The following CHLSN variants were observed in gnomAD, a reference collection of about 807,000 sequenced individuals.
CHLSN encodes the protein cholesin.
chr7:1,028,443 G>T, the CHLSN span: 1 of 985,888 alleles, frequency 1.0e-6, no homozygotes, highest in Non-Finnish European at 1.2e-6. Context: ...CGCCTGCGGG[G>T]ACTGGACCTC....
At chr7:1,007,221 G>A in the CHLSN span, among the ~76,000 whole-genome samples, 6 of 152,240 alleles carry the variant, frequency 3.9e-5, no homozygotes. Context: ...GGCTGCAGAT[G>A]GCTTTGCCTC....
At chr7:1,106,169 G>A in the CHLSN span, among the ~76,000 whole-genome samples, 2 of 152,192 alleles carry the variant, frequency 1.3e-5, no homozygotes, top group Non-Finnish European at 2.9e-5. Flanking sequence ...CTCGAGTCCC[G>A]CACACTGCCC....
the CHLSN span, among the ~76,000 whole-genome samples, chr7:1,122,693 C>A: frequency 6.6e-6 from 1 of 152,202 alleles, no homozygotes; most frequent in African/African-American, 2.4e-5. Flanking sequence ...ACAACCCGCT[C>A]AAGTGGGAAA....
At chr7:1,133,409 A>AAAAAACAAAAC in the CHLSN span, among the ~76,000 whole-genome samples, 1 of 149,432 alleles carries the variant, frequency 6.7e-6, no homozygotes, top group Non-Finnish European at 1.5e-5. Flanking sequence ...AAAAAAAAAA[A>AAAAAACAAAAC]AAAACTATAA....
the CHLSN span, among the ~76,000 whole-genome samples, chr7:1,111,848 G>C: frequency 2.6e-5 from 4 of 151,842 alleles, no homozygotes; most frequent in African/African-American, 9.7e-5. Context: ...GGGTGACACT[G>C]AGTGAGGACT....
At chr7:1,134,523 C>T in the CHLSN span, among the ~76,000 whole-genome samples, 2 of 151,340 alleles carry the variant, frequency 1.3e-5, no homozygotes, top group Admixed American at 6.6e-5. Context: ...GAGCCGAGAT[C>T]GCGCCACTGC....
At chr7:1,060,759 G>A in the CHLSN span, among the ~76,000 whole-genome samples, 1 of 152,208 alleles carries the variant, frequency 6.6e-6, no homozygotes, top group South Asian at 2.1e-4. Flanking sequence ...AACCTTTAAA[G>A]CCGCAGGCCT....
the CHLSN span, among the ~76,000 whole-genome samples, chr7:1,040,371 T>C: frequency 2.0e-5 from 3 of 152,028 alleles, no homozygotes; most frequent in African/African-American, 7.2e-5. Flanking sequence ...GGCACGCACC[T>C]GTACTCCCAG....
chr7:1,011,755 G>A, the CHLSN span, among the ~76,000 whole-genome samples: 35 of 151,060 alleles, frequency 2.3e-4, no homozygotes, highest in African/African-American at 7.1e-4. Context: ...ATACACACAC[G>A]CCAACACACC....
the CHLSN span, among the ~76,000 whole-genome samples, chr7:1,108,003 G>A: frequency 8.3e-6 from 1 of 120,650 alleles, no homozygotes; most frequent in Non-Finnish European, 1.7e-5. Context: ...GGAGGAAGCA[G>A]AGGGGGGCTG....
chr7:1,040,610 G>A, the CHLSN span, among the ~76,000 whole-genome samples: 2 of 151,480 alleles, frequency 1.3e-5, no homozygotes, highest in Non-Finnish European at 2.9e-5. Flanking sequence ...GAAAATGTAG[G>A]AGAAAATGTT....
chr7:1,105,131 G>A, the CHLSN span, among the ~76,000 whole-genome samples: 1,597 of 152,248 alleles, frequency 0.01, 12 homozygotes, highest in Non-Finnish European at 0.017. Flanking sequence ...TACAATCCTG[G>A]GTAAAAGGGC....
At chr7:1,016,660 AG>A in the CHLSN span, among the ~76,000 whole-genome samples, 6 of 77,346 alleles carry the variant, frequency 7.8e-5, no homozygotes, top group East Asian at 2.8e-4. Context: ...AGCACACAGC[AG>A]CGCACAGCAG....
At chr7:1,103,067 C>T in the CHLSN span, among the ~76,000 whole-genome samples, 5 of 152,190 alleles carry the variant, frequency 3.3e-5, no homozygotes. Flanking sequence ...CTGCAGCGTG[C>T]GGGCCGGGGT....
chr7:1,063,222 C>A, the CHLSN span, among the ~76,000 whole-genome samples: 2 of 152,202 alleles, frequency 1.3e-5, no homozygotes, highest in Admixed American at 6.5e-5. Flanking sequence ...TTCCACGCGA[C>A]GCTGTCCCCA....
chr7:1,079,123 C>T, the CHLSN span, among the ~76,000 whole-genome samples: 2 of 152,186 alleles, frequency 1.3e-5, no homozygotes, highest in African/African-American at 2.4e-5. Context: ...GGGCCAGGGT[C>T]ACAAGACCAG....
chr7:1,041,409 AAC>A, the CHLSN span, among the ~76,000 whole-genome samples: 1 of 150,972 alleles, frequency 6.6e-6, no homozygotes, highest in Non-Finnish European at 1.5e-5. Context: ...CGCTGCGGGG[AAC>A]GGGACCTGGG....
chr7:1,107,525 G>A, the CHLSN span, among the ~76,000 whole-genome samples: 2 of 152,162 alleles, frequency 1.3e-5, no homozygotes, highest in African/African-American at 4.8e-5. Context: ...AGAATTCGCC[G>A]TGGCTTCCAA....
At chr7:1,118,386 A>T in the CHLSN span, among the ~76,000 whole-genome samples, 1 of 152,230 alleles carries the variant, frequency 6.6e-6, no homozygotes, top group Admixed American at 6.5e-5. Context: ...AAAGCTCAGC[A>T]TCATTGTTAG....
Sources: gnomAD v4.1 joint callset for allele counts (sites outside exome capture counted in the v4.1 genomes callset) on GRCh38, gnomAD v4.1.1 for gene constraint, MANE v1.5 for transcripts, NCBI Gene and HGNC (gene_info 2026-07-23, HGNC 2026-07-21) for gene names.